Variants in ZNF425 observed in about 807,000 individuals in gnomAD.
The protein encoded by ZNF425 is zinc finger protein 425.
ZNF425 carries 21 observed loss-of-function variants against 17.0 expected under a neutral mutation model. That is an observed-to-expected ratio of 1.23 (90% CI 0.88 to 1.78). ZNF425 has a LOEUF of 1.78. ZNF425 is among the 40% of genes most tolerant of loss of function. The pLI is 0.00. For missense variants in ZNF425, 868 were observed against 967.3 expected (o/e 0.90, Z 1.36); for synonymous variants, 433 against 384.1 (o/e 1.13, Z -1.49).
rs542701686 is a variant in ZNF425 at position 149,112,230 on chromosome 7, C to T, written c.211G>A (p.Glu71Lys). ...CTTGTTTTATCTAAGCATCCCTGTT[C>T]GCTGATTAATAGCATTCTCCCTTGT... ...MEQGRMLLISEQGCLDKTRRT... is the reference protein window; with the variant it reads ...MEQGRMLLISKQGCLDKTRRT... The change falls in exon 3 of 4, where the codon GAA becomes AAA. Residue 71 changes from glutamate to lysine, a missense_variant. Glu to Lys is a moderately conservative substitution (Grantham distance 56). Around this residue, in one of 5 missense-constraint regions of ZNF425, gnomAD observed 179 missense variants for 216.3 expected, o/e 0.83. Transcript: ENST00000378061. 39 of 1,614,122 alleles carry T rather than the reference C, an allele frequency of 2.4e-5. 1 individual carries two copies. The Admixed American group carries it at 3.0e-4, about 12-fold the overall frequency.
intron 3 of ZNF425, among the ~76,000 whole-genome samples, chr7:149,106,379 G>T (rs1826082738): frequency 1.3e-5 from 2 of 151,868 alleles, no homozygotes; most frequent in South Asian, 4.2e-4. Flanking sequence ...GAGTAGCTGG[G>T]ACTATCCACC....
chr7:149,112,047 CT>C, intron 3 of ZNF425, 89 bp downstream of exon 3: 1 of 1,360,112 alleles, frequency 7.4e-7, no homozygotes, highest in Non-Finnish European at 1.0e-6. Context: ...TTTTTATTGA[CT>C]AGATCTAGTC....
At chr7:149,116,150 G>C (rs1826262936) in intron 2 of ZNF425, among the ~76,000 whole-genome samples, 1 of 152,054 alleles carries the variant, frequency 6.6e-6, no homozygotes, top group Non-Finnish European at 1.5e-5. Flanking sequence ...GTCTCTTTCT[G>C]TTCTGTCTAC....
At chr7:149,108,156 G>T (rs569246710) in intron 3 of ZNF425, among the ~76,000 whole-genome samples, 1 of 152,032 alleles carries the variant, frequency 6.6e-6, no homozygotes, top group Non-Finnish European at 1.5e-5. Flanking sequence ...ACAGGCATGA[G>T]CCACTGTACC....
rs757775375 is a variant in ZNF425 at position 149,104,934 on chromosome 7, G to A, written c.937C>T (p.Gln313Ter). ...AAGTGCTCCGTGAGCTCGCACTGCTGCACGAAGGCCCGGCCGCACTCCCCG... is the reference window on the plus strand; with the variant it reads ...AAGTGCTCCGTGAGCTCGCACTGCTACACGAAGGCCCGGCCGCACTCCCCG... ...CCGECGRAFV[Q>*]QCELTEHLRL... is the part of the protein sequence containing the mutation. Residue 313 changes from glutamine (Q) to a stop codon, truncating the protein, a stop_gained, in exon 4 of 4, where the codon CAG becomes TAG. Transcript: ENST00000378061. LOFTEE classifies it low-confidence loss of function (END_TRUNC). This position sits in a 1 kb window ranked among gnomAD's most constrained non-coding sequence, Gnocchi z 4.3. 2.5e-6 allele frequency: 4 copies of A among 1,613,856 alleles called. No individual in the cohort carries two copies. The Admixed American group carries it at 6.7e-5, about 27-fold the overall frequency.
chr7:149,105,104 A>G lies in ZNF425; in HGVS notation c.767T>C (p.Phe256Ser). ...FQCSECEKSY[F>S]LKGSLVTHQV... ...ATGAGTGACGAGGCTGCCCTTCAGG[A>G]AGTAGCTCTTCTCACACTCACTGCA... The change falls in exon 4 of 4, where the codon TTC (phenylalanine) becomes TCC (serine). Residue 256 changes from phenylalanine (F) to serine (S), a missense_variant. Coordinates refer to ENST00000378061, the MANE Select transcript of ZNF425 (RefSeq NM_001001661.3). The G allele has an allele frequency of 1.9e-6, 3 of 1,614,166 alleles. No individual in the cohort carries two copies. The highest frequency in any genetic ancestry group is 2.5e-6 in the Non-Finnish European group (3 of 1,180,026).
chr7:149,105,318 T>A lies in ZNF425; in HGVS notation c.553A>T (p.Thr185Ser). ...TAGCAGGAATAGCATCTTGGCCCTG[T>A]GGGAATTTCTAAGCGCCCTGGGGTC... ...RETPGRLEIP[T>S]GPRCYSCYVC... The change falls in exon 4 of 4, where the codon ACA becomes TCA. Residue 185 changes from threonine to serine, a missense_variant. Thr to Ser is a moderately conservative substitution (Grantham distance 58, BLOSUM62 1). Transcript: ENST00000378061. The A allele has an allele frequency of 2.5e-6, 4 of 1,614,140 alleles. No homozygotes were observed. The highest frequency in any genetic ancestry group is 3.4e-6 in the Non-Finnish European group (4 of 1,180,014).
intron 1 of ZNF425, among the ~76,000 whole-genome samples, chr7:149,120,317 G>A (rs1318218860): frequency 1.3e-5 from 2 of 152,196 alleles, no homozygotes; most frequent in Non-Finnish European, 2.9e-5. Context: ...GGGAGGCGTA[G>A]TTGGCAGTGA....
At position 149,103,590 on chromosome 7, in the gene ZNF425, CG is replaced by C; in HGVS notation, c.*21del. The C allele has an allele frequency of 6.4e-7, 1 of 1,557,790 alleles. No homozygotes were observed. Among genetic ancestry groups the C allele is most frequent in the Non-Finnish European group, 8.6e-7 (1 of 1,156,422 alleles). On this transcript the variant is annotated 3_prime_UTR_variant, in exon 4 of 4. Transcript: ENST00000378061. ...GCTGGCACCTCCTGAAAGCCGACTG[CG>C]TGACTGCTGCATGGCCTGACCTAGA...
intron 3 of ZNF425, among the ~76,000 whole-genome samples, chr7:149,111,590 T>TAGAAGAAAAA (rs1826177241): frequency 1.8e-5 from 1 of 54,382 alleles, no homozygotes; most frequent in Non-Finnish European, 3.3e-5. Context: ...AGACTCTGTC[T>TAGAAGAAAAA]AAAAAAAAAA....
In ZNF425 at chr7:149,114,284, G is replaced by T. The variant is rs1826222849; in HGVS notation, c.146-1989C>A. On this transcript the variant is annotated intron_variant, in intron 2 of 3. Coordinates refer to ENST00000378061, the MANE Select transcript of ZNF425 (RefSeq NM_001001661.3). ...AGACGGGGTTTCACCAAGTTGGTCA[G>T]GCTGGTCTGGAACACCTGACCTCAT... Among the ~76,000 whole-genome samples, 3 of 149,654 alleles carry T rather than the reference G, an allele frequency of 2.0e-5. No homozygotes were observed. The South Asian group carries it at 6.3e-4, about 32-fold the overall frequency.
chr7:149,104,899 G>A lies in ZNF425; in HGVS notation c.972C>T (p.His324=). ...GACACTGGAAGGGCTTCTCTCCGCT[G>A]TGCAGCCGCAAGTGCTCCGTGAGCT... ...QCELTEHLRL[H]SGEKPFQCPQ... is the part of the protein sequence containing the mutation. Residue 324 remains histidine (H), a synonymous_variant, in exon 4 of 4, where the codon CAC becomes CAT. Transcript: ENST00000378061. This position sits in a 1 kb window ranked among gnomAD's most constrained non-coding sequence, Gnocchi z 4.3. 2 of 1,613,586 alleles carry A rather than the reference G, an allele frequency of 1.2e-6. No homozygotes were observed. Among genetic ancestry groups the A allele is most frequent in the Non-Finnish European group, 1.7e-6 (2 of 1,179,940 alleles).
chr7:149,115,307 A>G (rs1219089439), intron 2 of ZNF425, among the ~76,000 whole-genome samples: 1 of 151,850 alleles, frequency 6.6e-6, no homozygotes, highest in African/African-American at 2.4e-5. Flanking sequence ...AGGTTGTTAA[A>G]TAACAGTGAT....
At position 149,126,290 on chromosome 7, in the gene ZNF425, C is replaced by A. The variant is rs368898658; in HGVS notation, c.-77G>T. ...CCCCAACCCAACTCCCAGGTACAGCCCTGCTGGCCCCCAAAGGCAGAGCCG... is the reference window on the plus strand; with the variant it reads ...CCCCAACCCAACTCCCAGGTACAGCACTGCTGGCCCCCAAAGGCAGAGCCG... On this transcript the variant is annotated 5_prime_UTR_variant, in exon 1 of 4. Coordinates refer to ENST00000378061, the MANE Select transcript of ZNF425 (RefSeq NM_001001661.3). The A allele has an allele frequency of 3.2e-5, 49 of 1,549,310 alleles. No individual in the cohort carries two copies. In the South Asian group the frequency reaches 5.4e-4, roughly 17 times the overall value.
chr7:149,103,694 T>G lies in ZNF425; in HGVS notation c.2177A>C (p.Glu726Ala). The G allele has an allele frequency of 6.2e-7, 1 of 1,614,152 alleles. No homozygotes were observed. Among genetic ancestry groups the G allele is most frequent in the East Asian group, 2.2e-5 (1 of 44,876 alleles). ...HSGERPFSCD[E>A]CGRSFTYVGA... ...CACGTACGTGAAGCTCCTTCCACAC[T>G]CATCACAAGAAAAAGGCCTCTCCCC... The change falls in exon 4 of 4, where the codon GAG becomes GCG. Residue 726 changes from glutamate (E) to alanine (A), a missense_variant. Coordinates refer to ENST00000378061, the MANE Select transcript of ZNF425 (RefSeq NM_001001661.3).
rs538143174 is a variant in ZNF425 at position 149,104,124 on chromosome 7, C to G, written c.1747G>C (p.Ala583Pro). The G allele has an allele frequency of 1.3e-5, 21 of 1,612,150 alleles. No homozygotes were observed. The highest frequency in any genetic ancestry group is 1.7e-5 in the Non-Finnish European group (20 of 1,179,774). ...QRMHRDEKPF[A>P]CGECDKTYTH... ...TAGGTCTTGTCACACTCACCGCACGCGAAGGGCTTCTCGTCCCTGTGCATC... is the reference window on the plus strand; with the variant it reads ...TAGGTCTTGTCACACTCACCGCACGGGAAGGGCTTCTCGTCCCTGTGCATC... The change falls in exon 4 of 4, where the codon GCG becomes CCG. Residue 583 changes from alanine to proline, a missense_variant. Coordinates refer to ENST00000378061, the MANE Select transcript of ZNF425 (RefSeq NM_001001661.3). This position sits in a 1 kb window ranked among gnomAD's most constrained non-coding sequence, Gnocchi z 4.3.
Position 149,104,023 on chromosome 7 carries a change from C to G in ZNF425, c.1848G>C (p.Glu616Asp). ...GEKPYQCPECEKTFRLKGNLK... is the reference protein window; with the variant it reads ...GEKPYQCPECDKTFRLKGNLK... ...GGTTTCCCTTGAGGCGGAAAGTCTT[C>G]TCGCATTCAGGACACTGGTAGGGCT... The change falls in exon 4 of 4, where the codon GAG becomes GAC. Residue 616 changes from glutamate to aspartate, a missense_variant. By Grantham distance (45) the Glu-to-Asp change is conservative (BLOSUM62 2). Transcript: ENST00000378061. The surrounding 1 kb of genome is among the most constrained non-coding windows in gnomAD (Gnocchi z 4.3). The G allele has an allele frequency of 6.2e-7, 1 of 1,613,688 alleles. No homozygotes were observed.
Position 149,105,585 on chromosome 7 carries a change from TCA to T in ZNF425, c.305-21_305-20del. 1 of 1,500,656 alleles carries T rather than the reference TCA, an allele frequency of 6.7e-7. No individual in the cohort carries two copies. The highest frequency in any genetic ancestry group is 8.8e-7 in the Non-Finnish European group (1 of 1,130,684). The allele number at this position is 1,500,656 out of a possible 1,614,324, so 93.0% of individuals were successfully genotyped here. ...TCGTCATCTGGAGCAGAAAGAAGTA[TCA>T]CTCTCATCAGTGATATGTCTACCCT... is the stretch of plus-strand genomic sequence containing the variant. On this transcript the variant is annotated intron_variant, in intron 3 of 3. Transcript: ENST00000378061.
Position 149,105,233 on chromosome 7 carries a change from G to T in ZNF425, c.638C>A (p.Ser213Tyr). ...RDLLKHKRSHSKSQLCRYPKY... is the reference protein window; with the variant it reads ...RDLLKHKRSHYKSQLCRYPKY... Reference sequence around the variant, plus strand: ...TGGGTATCTGCAGAGCTGGCTCTTGGAGTGGCTCCGTTTGTGCTTTAGCAA... The same window carrying T: ...TGGGTATCTGCAGAGCTGGCTCTTGTAGTGGCTCCGTTTGTGCTTTAGCAA... The change falls in exon 4 of 4, where the codon TCC (serine) becomes TAC (tyrosine). Residue 213 changes from serine to tyrosine, a missense_variant. Ser to Tyr is a moderately radical substitution (Grantham distance 144). This residue lies in a region of ZNF425 where 243 missense variants were observed against 265.2 expected (regional missense o/e 0.92). Transcript: ENST00000378061. 6.2e-7 allele frequency: 1 copy of T among 1,614,190 alleles called. No individual in the cohort carries two copies. The highest frequency in any genetic ancestry group is 8.5e-7 in the Non-Finnish European group (1 of 1,180,048).
Sources: gnomAD v4.1 joint callset for allele counts (sites outside exome capture counted in the v4.1 genomes callset) on GRCh38, gnomAD v4.1.1 for gene constraint, gnomAD v4.1.1 regional missense constraint, Gnocchi (gnomAD v3.1) non-coding constraint, MANE v1.5 for transcripts, NCBI Gene and HGNC (gene_info 2026-07-23, HGNC 2026-07-21) for gene names.